TMEM232: variants seen among roughly 807,000 people sequenced by gnomAD.
TMEM232 encodes transmembrane protein 232.
In TMEM232, 80 loss-of-function variants were observed where a neutral mutation model predicts 78.8. The ratio of observed to expected loss-of-function variants is 1.01; its 90% CI spans 0.85 to 1.22. The LOEUF is 1.22. TMEM232 is among the 50% of genes most tolerant of loss of function. The pLI, the probability that TMEM232 is intolerant of heterozygous loss-of-function variation, is 0.00. For synonymous variants in TMEM232, 297 were observed against 254.3 expected (o/e 1.17, Z -1.60); for missense variants, 881 against 742.2 (o/e 1.19, Z -2.17).
chr5:110,547,506 C>T (rs1195414122), intron 11 of TMEM232, among the ~76,000 whole-genome samples: 1 of 152,072 alleles, frequency 6.6e-6, no homozygotes, highest in African/African-American at 2.4e-5. Flanking sequence ...CTAGTGCAGA[C>T]ATGCTAATAC....
In TMEM232 at chr5:110,641,581, A is replaced by G. The variant is rs537745764; in HGVS notation, c.238-585T>C. ...AAAAGTATACTCTTTTTCTAATCAA[A>G]TTTTTTTCAAAATTTTCAAATATAT... On this transcript the variant is annotated intron_variant, in intron 3 of 13. Coordinates refer to ENST00000455884, the MANE Select transcript of TMEM232 (RefSeq NM_001039763.4). 2.0e-4 allele frequency among the ~76,000 whole-genome samples: 31 copies of G among 152,188 alleles called. 1 individual carries two copies. The highest frequency in any genetic ancestry group is 3.7e-4 in the Non-Finnish European group (25 of 68,010).
At chr5:110,395,226 G>C (rs1324594939) in intron 3 of TMEM232, among the ~76,000 whole-genome samples, 1 of 152,090 alleles carries the variant, frequency 6.6e-6, no homozygotes, top group East Asian at 1.9e-4. Context: ...TTATAGAAGA[G>C]ACAGGGGAGA....
intron 2 of TMEM232, among the ~76,000 whole-genome samples, chr5:110,398,720 C>T (rs1411312041): frequency 6.6e-6 from 1 of 152,138 alleles, no homozygotes; most frequent in Non-Finnish European, 1.5e-5. Flanking sequence ...ATTAAAATTA[C>T]TTTTTAATTT....
At chr5:110,434,458 G>T (rs1287100763) in intron 12 of TMEM232, among the ~76,000 whole-genome samples, 1 of 151,406 alleles carries the variant, frequency 6.6e-6, no homozygotes, top group Non-Finnish European at 1.5e-5. Flanking sequence ...CGTTGAATAA[G>T]TAATAATAAT....
chr5:110,674,023 A>C (rs959817489), intron 1 of TMEM232, among the ~76,000 whole-genome samples: 1 of 151,830 alleles, frequency 6.6e-6, no homozygotes, highest in African/African-American at 2.4e-5. Context: ...GAGGAAAAAA[A>C]AAATTCGTTT....
chr5:110,519,694 C>A (rs1023127296), intron 12 of TMEM232, among the ~76,000 whole-genome samples: 7 of 151,798 alleles, frequency 4.6e-5, no homozygotes, highest in African/African-American at 1.7e-4. Flanking sequence ...AGCACTGTTA[C>A]AATAGCCAAA....
intron 12 of TMEM232, among the ~76,000 whole-genome samples, chr5:110,469,654 T>C (rs1437456047): frequency 6.6e-6 from 1 of 152,190 alleles, no homozygotes; most frequent in African/African-American, 2.4e-5. Context: ...GTGTCAGCAC[T>C]GAGGTGATGC....
At chr5:110,540,015 C>T (rs982791258) in intron 11 of TMEM232, among the ~76,000 whole-genome samples, 1 of 152,148 alleles carries the variant, frequency 6.6e-6, no homozygotes, top group African/African-American at 2.4e-5. Flanking sequence ...CTGTATGAAG[C>T]AACAAGGGGG....
At chr5:110,454,225 T>C (rs1278488791) in intron 12 of TMEM232, among the ~76,000 whole-genome samples, 2 of 152,162 alleles carry the variant, frequency 1.3e-5, no homozygotes, top group Admixed American at 1.3e-4. Flanking sequence ...ACACATAAAA[T>C]ATCCACCAAG....
chr5:110,587,362 T>C (rs1778936175), intron 10 of TMEM232, among the ~76,000 whole-genome samples: 1 of 152,064 alleles, frequency 6.6e-6, no homozygotes. Context: ...TGATATTTGC[T>C]ATGTTATCAA....
chr5:110,487,424 C>T (rs967525703), intron 12 of TMEM232, among the ~76,000 whole-genome samples: 4 of 152,098 alleles, frequency 2.6e-5, no homozygotes, highest in East Asian at 3.9e-4. Context: ...TTTCCCCATT[C>T]GGTATTATGT....
chr5:110,502,029 A>T (rs1036336659), intron 12 of TMEM232, among the ~76,000 whole-genome samples: 1 of 152,150 alleles, frequency 6.6e-6, no homozygotes, highest in Non-Finnish European at 1.5e-5. Context: ...GGGGATAGCA[A>T]ATATCTTTTT....
At chr5:110,437,060 TATTA>T (rs1249920160) in intron 12 of TMEM232, among the ~76,000 whole-genome samples, 1 of 152,068 alleles carries the variant, frequency 6.6e-6, no homozygotes, top group Non-Finnish European at 1.5e-5. Flanking sequence ...GTTTTAACAA[TATTA>T]ATTCTTCCAA....
chr5:110,551,915 A>T (rs1774518884), intron 11 of TMEM232, among the ~76,000 whole-genome samples: 1 of 152,006 alleles, frequency 6.6e-6, no homozygotes, highest in South Asian at 2.1e-4. Flanking sequence ...AATAAACACA[A>T]TTTTTTCAGC....
intron 5 of TMEM232, among the ~76,000 whole-genome samples, chr5:110,636,545 T>C (rs2149996233): frequency 6.6e-6 from 1 of 152,122 alleles, no homozygotes; most frequent in South Asian, 2.1e-4. Context: ...ATGTTATTTA[T>C]ATATCAATAG....
At chr5:110,533,573 T>G (rs1324757567) in intron 11 of TMEM232, among the ~76,000 whole-genome samples, 1 of 152,124 alleles carries the variant, frequency 6.6e-6, no homozygotes, top group African/African-American at 2.4e-5. Context: ...TTCCAAAATC[T>G]GTTTTCTTCC....
intron 7 of TMEM232, among the ~76,000 whole-genome samples, chr5:110,622,785 T>G (rs1239189462): frequency 1.4e-5 from 2 of 145,928 alleles, no homozygotes; most frequent in Non-Finnish European, 3.0e-5. Context: ...CCACAATGGT[T>G]GAACAATGAG....
intron 4 of TMEM232, among the ~76,000 whole-genome samples, chr5:110,639,627 A>C (rs1401108309): frequency 1.3e-5 from 2 of 152,200 alleles, no homozygotes; most frequent in East Asian, 3.9e-4. Flanking sequence ...AAAGCAAGTC[A>C]ACAAAAAGTA....
At chr5:110,706,124 C>T (rs879131394) in intron 1 of TMEM232, among the ~76,000 whole-genome samples, 1 of 151,986 alleles carries the variant, frequency 6.6e-6, no homozygotes, top group Admixed American at 6.6e-5. Flanking sequence ...AATTTGAACT[C>T]GATCCTTCTC....
Sources: gnomAD v4.1 joint callset for allele counts (sites outside exome capture counted in the v4.1 genomes callset) on GRCh38, gnomAD v4.1.1 for gene constraint, MANE v1.5 for transcripts, NCBI Gene and HGNC (gene_info 2026-07-23, HGNC 2026-07-21) for gene names.